Variants in PEPD observed in about 807,000 individuals in gnomAD.
The protein encoded by PEPD is peptidase D.
In PEPD, 53 loss-of-function variants were observed where a neutral mutation model predicts 60.7. That is an observed-to-expected ratio of 0.87 (90% CI 0.70 to 1.10). The LOEUF (loss-of-function observed/expected upper bound fraction) is 1.10. Ranked by LOEUF, PEPD falls within the 50% of genes least tolerant of loss-of-function variation. The pLI is 0.00. For synonymous variants in PEPD, 267 were observed against 284.1 expected (o/e 0.94, Z 0.60); for missense variants, 711 against 711.9 (o/e 1.00, Z 0.01).
intron 9 of PEPD, among the ~76,000 whole-genome samples, chr19:33,430,482 G>T (rs17833935): frequency 1.3e-5 from 2 of 151,980 alleles, no homozygotes; most frequent in Non-Finnish European, 2.9e-5. Context: ...ACTCTGCCCA[G>T]TGTGAGCCCA....
rs114275513 is a variant in PEPD, at chr19:33,387,846, T to C, written c.1344+44A>G. ...AAGGAGTCTGCAGCTGCAGTGGAGG[T>C]GGCAGATGTTCTGGGAGCAAGAATG... On this transcript the variant is annotated intron_variant, in intron 14 of 14. Coordinates refer to ENST00000244137, the MANE Select transcript of PEPD (RefSeq NM_000285.4). 924 of 1,449,776 alleles carry C rather than the reference T, an allele frequency of 6.4e-4. 6 individuals are homozygous for C. In the African/African-American group the frequency reaches 0.012, roughly 19 times the overall value. 89.8% of individuals were successfully genotyped at this position (1,449,776 alleles called of 1,614,324 possible).
At chr19:33,510,540 T>C (rs1970903442) in intron 3 of PEPD, among the ~76,000 whole-genome samples, 1 of 152,212 alleles carries the variant, frequency 6.6e-6, no homozygotes, top group Admixed American at 6.5e-5. Flanking sequence ...TCTTTTAATA[T>C]GCAAATGCAG....
At chr19:33,415,313 G>C (rs751822749) in intron 9 of PEPD, among the ~76,000 whole-genome samples, 27 of 152,224 alleles carry the variant, frequency 1.8e-4, no homozygotes, top group Non-Finnish European at 3.4e-4. Flanking sequence ...GCCGGCTTCA[G>C]AAAAGACAGG....
At chr19:33,393,433 C>A (rs959673203) in intron 12 of PEPD, among the ~76,000 whole-genome samples, 11 of 151,928 alleles carry the variant, frequency 7.2e-5, no homozygotes, top group African/African-American at 2.7e-4. Flanking sequence ...CTGAGGGGCA[C>A]AACATCCCGG....
Position 33,469,386 on chromosome 19 carries a change from G to A in PEPD, c.549-5324C>T, listed in dbSNP as rs184784687. Among the ~76,000 whole-genome samples the A allele has an allele frequency of 3.0e-3, 452 of 152,268 alleles. 1 individual carries two copies. The highest frequency in any genetic ancestry group is 4.9e-3 in the Non-Finnish European group (333 of 68,014). ...TCTGCCGTGAGCTGCAGGGGAACCC[G>A]CAGGAGGGCTATTCTCAACTTCCCG... On this transcript the variant is annotated intron_variant, in intron 7 of 14. Transcript: ENST00000244137.
At chr19:33,426,981 T>A (rs1164866781) in intron 9 of PEPD, among the ~76,000 whole-genome samples, 3 of 152,194 alleles carry the variant, frequency 2.0e-5, no homozygotes, top group African/African-American at 7.2e-5. Flanking sequence ...GCGGCTGTGT[T>A]TTATGGCAGC....
In PEPD at chr19:33,511,122, C is replaced by G. The variant is rs1459451343; in HGVS notation, c.235G>C (p.Glu79Gln). 1 of 1,614,010 alleles carries G rather than the reference C, an allele frequency of 6.2e-7. No homozygotes were observed. The highest frequency in any genetic ancestry group is 8.5e-7 in the Non-Finnish European group (1 of 1,179,898). ...SFFHWAFGVT[E>Q]PGCYGVIDVD... is the part of the protein sequence containing the mutation. Reference sequence around the variant, plus strand: ...TCGATGACACCATAGCAGCCTGGCTCAGTGACACCGAACGCCCAGTGAAAG... The same window carrying G: ...TCGATGACACCATAGCAGCCTGGCTGAGTGACACCGAACGCCCAGTGAAAG... The change falls in exon 3 of 15, where the codon GAG (glutamate) becomes CAG (glutamine). Residue 79 changes from glutamate to glutamine, a missense_variant. Glu to Gln is a conservative substitution (Grantham distance 29). Transcript: ENST00000244137.
Position 33,493,467 on chromosome 19 carries a change from TGCCC to T in PEPD, c.394-134_394-131del, listed in dbSNP as rs1471662337. The T allele has an allele frequency of 1.1e-5, 8 of 743,922 alleles. No individual in the cohort carries two copies. The Admixed American group carries it at 1.2e-4, about 11-fold the overall frequency. 46.1% of individuals were successfully genotyped at this position (743,922 alleles called of 1,614,324 possible). The stretch of plus-strand genomic sequence containing the variant: ...TCATTAGAACAGGCGACGTGGGCGC[TGCCC>T]TCACCCTGCAGGTGAAGAAACCCAG... On this transcript the variant is annotated intron_variant, in intron 4 of 14. Transcript: ENST00000244137.
intron 11 of PEPD, among the ~76,000 whole-genome samples, chr19:33,405,322 C>T (rs187707097): frequency 2.1e-4 from 32 of 152,372 alleles, no homozygotes; most frequent in Admixed American, 1.4e-3. Context: ...GGGGGAAATG[C>T]TGCAATGTTT....
intron 14 of PEPD, 88 bp downstream of exon 14, chr19:33,387,802 G>T: frequency 8.9e-7 from 1 of 1,128,096 alleles, no homozygotes; most frequent in Non-Finnish European, 1.3e-6. Flanking sequence ...GATGTCACTA[G>T]GGCCCCTGTC....
At chr19:33,403,400 C>T (rs1046828697) in intron 11 of PEPD, among the ~76,000 whole-genome samples, 3 of 152,206 alleles carry the variant, frequency 2.0e-5, no homozygotes, top group Admixed American at 2.0e-4. Context: ...CCCTGGGCTT[C>T]CCATGGGGTC....
chr19:33,451,148 A>G (rs1384604928), intron 9 of PEPD, among the ~76,000 whole-genome samples: 1 of 152,146 alleles, frequency 6.6e-6, no homozygotes, highest in East Asian at 1.9e-4. Context: ...GAACTGTAAC[A>G]CCGCTGCTTT....
intron 9 of PEPD, among the ~76,000 whole-genome samples, chr19:33,436,157 G>GAAGAGGAAGGAGAGGGAGA (rs1969371564): frequency 6.6e-6 from 1 of 151,862 alleles, no homozygotes; most frequent in Non-Finnish European, 1.5e-5. Flanking sequence ...GAAGATGGAG[G>GAAGAGGAAGGAGAGGGAGA]AAGAGGAAGG....
At chr19:33,392,759 C>G (rs1374542188) in intron 12 of PEPD, among the ~76,000 whole-genome samples, 1 of 152,112 alleles carries the variant, frequency 6.6e-6, no homozygotes. Context: ...CCTGAGCTGG[C>G]GAGGGCTGGG....
intron 9 of PEPD, among the ~76,000 whole-genome samples, chr19:33,452,195 A>C (rs146331606): frequency 1.3e-5 from 2 of 152,330 alleles, no homozygotes; most frequent in Non-Finnish European, 2.9e-5. Flanking sequence ...AAAAACCAAA[A>C]GGTCACCAAG....
intron 9 of PEPD, among the ~76,000 whole-genome samples, chr19:33,432,712 G>A (rs762365480): frequency 2.3e-4 from 35 of 152,182 alleles, no homozygotes; most frequent in Non-Finnish European, 3.5e-4. Context: ...CATTACGTTC[G>A]CCAAATCCCC....
intron 9 of PEPD, among the ~76,000 whole-genome samples, chr19:33,461,805 T>C (rs972564178): frequency 6.6e-6 from 1 of 152,166 alleles, no homozygotes; most frequent in Non-Finnish European, 1.5e-5. Flanking sequence ...ACGCAAGTGC[T>C]GGGATAGCTC....
At chr19:33,390,252 G>A (rs967349490) in intron 13 of PEPD, among the ~76,000 whole-genome samples, 3 of 152,150 alleles carry the variant, frequency 2.0e-5, no homozygotes, top group African/African-American at 7.2e-5. Context: ...GAAAAAAAGC[G>A]CTTTGGCGAC....
At chr19:33,393,238 T>TGGGGTCTGGCGTGGGGGAGGCCGTCCC (rs1568446645) in intron 12 of PEPD, among the ~76,000 whole-genome samples, 117 of 72,590 alleles carry the variant, frequency 1.6e-3, no homozygotes, top group African/African-American at 6.7e-3. Flanking sequence ...TCCCGGGGTC[T>TGGGGTCTGGCGTGGGGGAGGCCGTCCC]GGGGTCTGGG....
Sources: allele counts gnomAD v4.1 joint callset (sites outside exome capture counted in the v4.1 genomes callset), GRCh38; gene constraint gnomAD v4.1.1; transcripts MANE v1.5; gene names NCBI Gene and HGNC (gene_info 2026-07-23, HGNC 2026-07-21).